Variants in KIAA1549L observed in about 807,000 individuals in gnomAD.
KIAA1549L encodes UPF0606 protein KIAA1549L.
KIAA1549L carries 88 observed loss-of-function variants against 160.7 expected under a neutral mutation model. That is an observed-to-expected ratio of 0.55 (90% CI 0.46 to 0.65). The LOEUF is 0.65. KIAA1549L is among the 30% of genes least tolerant of loss of function. KIAA1549L has a pLI of 0.00. For synonymous variants in KIAA1549L, 950 were observed against 976.7 expected, an observed-to-expected ratio of 0.97 and a Z score of 0.51; for missense variants, 2,258 against 2,437.5, an observed-to-expected ratio of 0.93 and a Z score of 1.55.
intron 1 of KIAA1549L, among the ~76,000 whole-genome samples, chr11:33,506,421 C>T (rs562491038): frequency 6.6e-6 from 1 of 152,158 alleles, no homozygotes; most frequent in Non-Finnish European, 1.5e-5. Context: ...CTGCTATATC[C>T]AAACTATAAA....
Position 33,591,463 on chromosome 11 carries a change from G to C in KIAA1549L, c.4751+42G>C, listed in dbSNP as rs771529388. 4.7e-6 allele frequency: 7 copies of C among 1,490,190 alleles called. 1 individual carries two copies. Among genetic ancestry groups the C allele is most frequent in the African/African-American group, 1.4e-5 (1 of 71,250 alleles). The allele number at this position is 1,490,190 out of a possible 1,614,324, so 92.3% of individuals were successfully genotyped here. Reference sequence around the variant, plus strand: ...CTTCTGCCTCTCTGTGTCAGCAAGAGAATAATTGATGATGAGAAAAGCTGA... The same window carrying C: ...CTTCTGCCTCTCTGTGTCAGCAAGACAATAATTGATGATGAGAAAAGCTGA... On this transcript the variant is annotated intron_variant, in intron 12 of 20. Transcript: ENST00000658780.
intron 11 of KIAA1549L, among the ~76,000 whole-genome samples, chr11:33,589,096 C>T (rs1019662378): frequency 6.6e-5 from 10 of 152,174 alleles, no homozygotes; most frequent in South Asian, 2.1e-4. Flanking sequence ...AAAAAGTGGG[C>T]GAAGGATATG....
intron 17 of KIAA1549L, among the ~76,000 whole-genome samples, chr11:33,652,045 C>T (rs551020394): frequency 2.9e-4 from 43 of 150,850 alleles, no homozygotes; most frequent in Middle Eastern, 3.4e-3. Context: ...TGCAATCTGA[C>T]TGCCTTCAGT....
At position 33,606,829 on chromosome 11, in the gene KIAA1549L, G is replaced by T; in HGVS notation, c.5061+7G>T. On this transcript the variant is annotated splice_region_variant and intron_variant, in intron 14 of 20. Coordinates refer to ENST00000658780, the MANE Select transcript of KIAA1549L (RefSeq NM_012194.3). ...GGCAGTCCTCAACGGCGAGGTAAGT[G>T]CCTGGAGACCCAGGGCAGGAGATGG... 5.0e-6 allele frequency: 8 copies of T among 1,592,646 alleles called. No homozygotes were observed. Among genetic ancestry groups the T allele is most frequent in the Non-Finnish European group, 6.8e-6 (8 of 1,168,466 alleles).
intron 1 of KIAA1549L, among the ~76,000 whole-genome samples, chr11:33,440,640 A>G (rs531734332): frequency 6.6e-6 from 1 of 152,336 alleles, no homozygotes; most frequent in East Asian, 1.9e-4. Context: ...GATTTCTTAA[A>G]AATTCACTAA....
intron 3 of KIAA1549L, among the ~76,000 whole-genome samples, chr11:33,546,906 T>G (rs1242570660): frequency 6.6e-6 from 1 of 152,238 alleles, no homozygotes; most frequent in Non-Finnish European, 1.5e-5. Context: ...AGTATAACAA[T>G]AGACTGTAAT....
At chr11:33,620,727 A>G (rs957583696) in intron 16 of KIAA1549L, among the ~76,000 whole-genome samples, 25 of 152,258 alleles carry the variant, frequency 1.6e-4, no homozygotes, top group South Asian at 8.3e-4. Flanking sequence ...CTATACATCT[A>G]TCCTTACGTA....
rs187562855 is a variant in KIAA1549L at position 33,482,521 on chromosome 11, A to G, written c.239-59281A>G. On this transcript the variant is annotated intron_variant, in intron 1 of 20. Transcript: ENST00000658780. ...AATTTTACTCGGTTCCTTTTGGCAC[A>G]TATTTAACAATTACGTGTATCTAAG... Among the ~76,000 whole-genome samples, 4 of 151,870 alleles carry G rather than the reference A, an allele frequency of 2.6e-5. No homozygotes were observed. The East Asian group carries it at 7.7e-4, about 29-fold the overall frequency.
intron 10 of KIAA1549L, among the ~76,000 whole-genome samples, chr11:33,578,024 G>A (rs982486179): frequency 6.6e-6 from 1 of 152,080 alleles, no homozygotes; most frequent in African/African-American, 2.4e-5. Flanking sequence ...GCCAAGACTC[G>A]CTTCCTTCAC....
intron 4 of KIAA1549L, among the ~76,000 whole-genome samples, chr11:33,548,453 C>T (rs978369294): frequency 7.9e-5 from 12 of 152,138 alleles, no homozygotes; most frequent in African/African-American, 2.7e-4. Context: ...TTAAACCATC[C>T]CATTATCCCA....
chr11:33,578,621 C>A (rs1335151404), intron 10 of KIAA1549L, among the ~76,000 whole-genome samples: 1 of 152,156 alleles, frequency 6.6e-6, no homozygotes, highest in Non-Finnish European at 1.5e-5. Flanking sequence ...GAATAAAATC[C>A]AAACTCCTGT....
rs1488534965 is a variant in KIAA1549L at position 33,561,582 on chromosome 11, C to T, written c.4019-94C>T. 3.0e-6 allele frequency: 3 copies of T among 1,001,320 alleles called. No individual in the cohort carries two copies. The East Asian group carries it at 7.2e-5, about 24-fold the overall frequency. The allele number at this position is 1,001,320 out of a possible 1,614,324, so 62.0% of individuals were successfully genotyped here. On this transcript the variant is annotated intron_variant, in intron 7 of 20. Transcript: ENST00000658780. ...AGGAGTTCAAGAACAGCCTGGGCAA[C>T]ATATCAAGATCCCATCTCAAATATA... is the stretch of plus-strand genomic sequence containing the variant.
At chr11:33,651,780 C>T (rs950486338) in intron 17 of KIAA1549L, among the ~76,000 whole-genome samples, 18 of 151,856 alleles carry the variant, frequency 1.2e-4, no homozygotes, top group African/African-American at 3.9e-4. Flanking sequence ...GGCACTGACC[C>T]ACTTCCCTCA....
intron 1 of KIAA1549L, among the ~76,000 whole-genome samples, chr11:33,523,939 GT>G (rs1221995377): frequency 6.6e-6 from 1 of 151,758 alleles, no homozygotes; most frequent in Non-Finnish European, 1.5e-5. Context: ...TTTGATCATT[GT>G]TTTATTTATT....
At chr11:33,385,680 G>A (rs939759003) in intron 1 of KIAA1549L, among the ~76,000 whole-genome samples, 1 of 151,378 alleles carries the variant, frequency 6.6e-6, no homozygotes, top group Non-Finnish European at 1.5e-5. Flanking sequence ...TATTTAAAAA[G>A]CCTGCTGGAT....
chr11:33,661,498 TG>T (rs1414999562), intron 20 of KIAA1549L, among the ~76,000 whole-genome samples: 6 of 152,216 alleles, frequency 3.9e-5, no homozygotes, highest in Admixed American at 3.9e-4. Context: ...CACACCTGTT[TG>T]GCTCCAAAGC....
chr11:33,531,033 T>A (rs1381997792), intron 1 of KIAA1549L, among the ~76,000 whole-genome samples: 1 of 152,190 alleles, frequency 6.6e-6, no homozygotes, highest in Non-Finnish European at 1.5e-5. Context: ...CTTGATGCGG[T>A]GGGATGTGCA....
intron 1 of KIAA1549L, among the ~76,000 whole-genome samples, chr11:33,538,146 G>T (rs1430634741): frequency 6.6e-6 from 1 of 152,278 alleles, no homozygotes; most frequent in African/African-American, 2.4e-5. Flanking sequence ...TGAGTGAAGT[G>T]GGGAGAGCCC....
intron 1 of KIAA1549L, among the ~76,000 whole-genome samples, chr11:33,501,338 A>T (rs1240811921): frequency 1.3e-5 from 2 of 152,248 alleles, no homozygotes; most frequent in Non-Finnish European, 2.9e-5. Context: ...CTGTCAAAAA[A>T]TTGGGAATTA....
Sources: gnomAD v4.1 joint callset for allele counts (sites outside exome capture counted in the v4.1 genomes callset) on GRCh38, gnomAD v4.1.1 for gene constraint, MANE v1.5 for transcripts, NCBI Gene and HGNC (gene_info 2026-07-23, HGNC 2026-07-21) for gene names.